The following PDE11A variants were observed in gnomAD, a reference collection of about 807,000 sequenced individuals.
PDE11A encodes dual 3',5'-cyclic-AMP and -GMP phosphodiesterase 11A.
Under a neutral mutation model 100.5 loss-of-function variants are expected in PDE11A, and 100 were observed. The ratio of observed to expected loss-of-function variants is 1.00; its 90% CI spans 0.85 to 1.18. The LOEUF is 1.18. Ranked by LOEUF, PDE11A falls within the 50% of genes most tolerant of loss-of-function variation. The pLI is 0.00. For synonymous variants in PDE11A, 381 were observed against 420.8 expected, an observed-to-expected ratio of 0.91 and a Z score of 1.16; for missense variants, 1,141 against 1,152.6, an observed-to-expected ratio of 0.99 and a Z score of 0.15.
At chr2:177,698,484 T>A (rs1574055851) in intron 14 of PDE11A, 2 of 152,102 alleles carry the variant, frequency 1.3e-5, no homozygotes, top group South Asian at 4.1e-4. Flanking sequence ...ACTGGACCAG[T>A]TTTAAATCTC....
intron 2 of PDE11A, among the ~76,000 whole-genome samples, chr2:177,969,392 C>T (rs558787443): frequency 2.6e-5 from 4 of 152,158 alleles, no homozygotes; most frequent in African/African-American, 9.6e-5. Flanking sequence ...ATGTAACAAA[C>T]CTGCACATTC....
At position 177,929,907 on chromosome 2, in the gene PDE11A, A is replaced by G. The variant is rs191947751; in HGVS notation, c.1072-24720T>C. ...AATCCTACCATTGTATAAGTTATTT[A>G]CTTAACAAACCAGAGTTCCAGGATA... On this transcript the variant is annotated intron_variant, in intron 2 of 19. Coordinates refer to ENST00000286063, the MANE Select transcript of PDE11A (RefSeq NM_016953.4). Among the ~76,000 whole-genome samples the G allele has an allele frequency of 2.6e-5, 4 of 152,328 alleles. No homozygotes were observed. In the East Asian group the frequency reaches 7.7e-4, roughly 29 times the overall value.
chr2:177,905,955 G>T (rs2084779270), intron 2 of PDE11A, among the ~76,000 whole-genome samples: 2 of 152,166 alleles, frequency 1.3e-5, no homozygotes, highest in Admixed American at 6.5e-5. Flanking sequence ...TAGGCATAGG[G>T]ATTTTTACTA....
chr2:178,076,047 C>G (rs2087204244), upstream of PDE11A, among the ~76,000 whole-genome samples: 2 of 152,156 alleles, frequency 1.3e-5, no homozygotes, highest in African/African-American at 4.8e-5. Context: ...CAGGCACAAA[C>G]TATCATACCA....
intron 18 of PDE11A, among the ~76,000 whole-genome samples, chr2:177,668,065 G>T (rs1390979865): frequency 6.6e-6 from 1 of 152,190 alleles, no homozygotes; most frequent in Admixed American, 6.5e-5. Context: ...GTCATCAGTG[G>T]TGCTCCGTAG....
At chr2:178,072,820 C>A (rs78003466), upstream of PDE11A, 3 of 1,199,744 alleles carry the variant, frequency 2.5e-6, no homozygotes, top group Middle Eastern at 3.7e-4. Context: ...GCAGGACACG[C>A]CCCTGAGTGA....
intron 1 of PDE11A, among the ~76,000 whole-genome samples, chr2:178,029,888 A>G (rs1336032296): frequency 6.6e-6 from 1 of 152,104 alleles, no homozygotes; most frequent in African/African-American, 2.4e-5. Context: ...ATTATTGCAG[A>G]AGTGGGTCTG....
rs191359201 is a variant in PDE11A, at chr2:177,957,350, T to C, written c.1072-52163A>G. Among the ~76,000 whole-genome samples, 378 of 152,354 alleles carry C rather than the reference T, an allele frequency of 2.5e-3. 2 individuals carry two copies. The highest frequency in any genetic ancestry group is 4.2e-3 in the Non-Finnish European group (286 of 68,040). ...TGGTTAGAACTGTTAAATTCAGTAGTGTTTCTTTTCATTGAACCAAACATT... is the reference window on the plus strand; with the variant it reads ...TGGTTAGAACTGTTAAATTCAGTAGCGTTTCTTTTCATTGAACCAAACATT... On this transcript the variant is annotated intron_variant, in intron 2 of 19. Transcript: ENST00000286063.
intron 16 of PDE11A, among the ~76,000 whole-genome samples, chr2:177,678,771 C>G (rs2080816906): frequency 6.6e-6 from 1 of 151,926 alleles, no homozygotes; most frequent in Non-Finnish European, 1.5e-5. Context: ...GGTTCCTTGT[C>G]AAAACAGTTT....
At chr2:177,794,772 TTGTTTGTTTG>T (rs1335298312) in intron 9 of PDE11A, among the ~76,000 whole-genome samples, 12 of 63,598 alleles carry the variant, frequency 1.9e-4, no homozygotes, top group South Asian at 4.2e-4. Flanking sequence ...TGGTTTTTGT[TTGTTTGTTTG>T]TTTGTTTGTT....
intron 19 of PDE11A, among the ~76,000 whole-genome samples, chr2:177,631,548 CACA>C (rs2079938528): frequency 2.0e-4 from 1 of 5,068 alleles, no homozygotes; most frequent in Non-Finnish European, 6.1e-4. Context: ...TATATATATA[CACA>C]TGTATATATA....
intron 19 of PDE11A, among the ~76,000 whole-genome samples, chr2:177,631,605 G>GTGTA (rs1553529244): frequency 4.0e-5 from 4 of 101,252 alleles, no homozygotes; most frequent in South Asian, 3.4e-4. Flanking sequence ...ATATATGTGT[G>GTGTA]TATATATATA....
chr2:177,989,584 T>C (rs2085979076), intron 2 of PDE11A, among the ~76,000 whole-genome samples: 1 of 152,216 alleles, frequency 6.6e-6, no homozygotes, highest in Non-Finnish European at 1.5e-5. Context: ...GGATCTTCAC[T>C]GCAGTTAATG....
chr2:178,007,657 A>G, intron 2 of PDE11A, among the ~76,000 whole-genome samples: 1 of 152,028 alleles, frequency 6.6e-6, no homozygotes, highest in South Asian at 2.1e-4. Flanking sequence ...GGACTTTTAA[A>G]ACCTTTTTGC....
chr2:177,713,261 G>A (rs2081383963), intron 12 of PDE11A, among the ~76,000 whole-genome samples: 1 of 152,016 alleles, frequency 6.6e-6, no homozygotes, highest in Non-Finnish European at 1.5e-5. Flanking sequence ...CACCCATCTC[G>A]GCCTCTCAAA....
intron 19 of PDE11A, among the ~76,000 whole-genome samples, chr2:177,656,387 C>G (rs541767929): frequency 6.6e-6 from 1 of 152,316 alleles, no homozygotes; most frequent in East Asian, 1.9e-4. Flanking sequence ...GTGTATTAGG[C>G]TGTACAATAT....
At chr2:177,776,994 C>T (rs936862405) in intron 9 of PDE11A, among the ~76,000 whole-genome samples, 1 of 152,072 alleles carries the variant, frequency 6.6e-6, no homozygotes, top group Admixed American at 6.6e-5. Flanking sequence ...TGGCTTTTCC[C>T]CCTTTTGCTC....
chr2:177,958,040 G>A (rs768078707), intron 2 of PDE11A, among the ~76,000 whole-genome samples: 39 of 151,364 alleles, frequency 2.6e-4, no homozygotes, highest in Middle Eastern at 3.4e-3. Flanking sequence ...GCTGGTGCGC[G>A]CAACCATGCC....
At chr2:177,810,966 C>G (rs2082940913) in intron 9 of PDE11A, among the ~76,000 whole-genome samples, 1 of 151,926 alleles carries the variant, frequency 6.6e-6, no homozygotes, top group Non-Finnish European at 1.5e-5. Context: ...TCTGTCAAAC[C>G]CTCATTTCTT....
Sources: allele counts gnomAD v4.1 joint callset (sites outside exome capture counted in the v4.1 genomes callset), GRCh38; gene constraint gnomAD v4.1.1; transcripts MANE v1.5; gene names NCBI Gene and HGNC (gene_info 2026-07-23, HGNC 2026-07-21).